The following TNR variants were observed in gnomAD, a reference collection of about 807,000 sequenced individuals.
TNR encodes the protein tenascin-R.
In TNR, 45 loss-of-function variants were observed where a neutral mutation model predicts 150.4. That is an observed-to-expected ratio of 0.30 (90% CI 0.24 to 0.38). The LOEUF is 0.38. Ranked by LOEUF, TNR falls within the 10% of genes least tolerant of loss-of-function variation. The pLI, the probability that TNR is intolerant of heterozygous loss-of-function variation, is 1.00. For synonymous variants in TNR, 687 were observed against 678.4 expected, an observed-to-expected ratio of 1.01 and a Z score of -0.20; for missense variants, 1,544 against 1,759.1, an observed-to-expected ratio of 0.88 and a Z score of 2.19.
At chr1:175,587,289 G>T (rs1252238799) in intron 1 of TNR, among the ~76,000 whole-genome samples, 1 of 152,190 alleles carries the variant, frequency 6.6e-6, no homozygotes, top group Non-Finnish European at 1.5e-5. Flanking sequence ...ATTAAGGAAT[G>T]CAGAGTGGCA....
At chr1:175,383,303 T>C (rs969250602) in intron 8 of TNR, among the ~76,000 whole-genome samples, 1 of 152,194 alleles carries the variant, frequency 6.6e-6, no homozygotes, top group African/African-American at 2.4e-5. Context: ...CAACCTATAA[T>C]AGCAATAAAG....
At chr1:175,499,529 T>A (rs1417982097) in intron 2 of TNR, among the ~76,000 whole-genome samples, 1 of 152,024 alleles carries the variant, frequency 6.6e-6, no homozygotes, top group African/African-American at 2.4e-5. Context: ...CTCCACACCC[T>A]CCCTTCTGGA....
At chr1:175,497,779 G>C (rs1658549465) in intron 2 of TNR, among the ~76,000 whole-genome samples, 1 of 152,128 alleles carries the variant, frequency 6.6e-6, no homozygotes, top group South Asian at 2.1e-4. Flanking sequence ...ACACCTCCTG[G>C]CTGGGCATGG....
In TNR at chr1:175,320,071, G is replaced by A. The variant is rs929303636; in HGVS notation, c.*3286C>T. 6.6e-6 allele frequency: 1 copy of A among 152,296 alleles called. No individual in the cohort carries two copies. Among genetic ancestry groups the A allele is most frequent in the South Asian group, 2.1e-4 (1 of 4,830 alleles). 9.4% of individuals were successfully genotyped at this position (152,296 alleles called of 1,614,324 possible). A position where few individuals can be genotyped will look rare whatever the true frequency, so the allele number is the denominator to read the frequency against. ...TATTGCAGTCATTGGTGGTGGTTTT[G>A]GTTTTGGGTATTAGTACATATCCTG... On this transcript the variant is annotated 3_prime_UTR_variant, in exon 23 of 23. Coordinates refer to ENST00000367674, the MANE Select transcript of TNR (RefSeq NM_003285.3).
intron 1 of TNR, 123 bp downstream of exon 1, chr1:175,743,103 C>T (rs10913071): frequency 6.6e-6 from 1 of 152,066 alleles, no homozygotes; most frequent in South Asian, 2.1e-4. Flanking sequence ...ATAGATGTAA[C>T]CCTAGTGCCA....
chr1:175,541,913 C>A (rs899777541), intron 1 of TNR, among the ~76,000 whole-genome samples: 20 of 152,168 alleles, frequency 1.3e-4, no homozygotes, highest in Admixed American at 1.2e-3. Flanking sequence ...CACATTTGTC[C>A]TACCGAGATG....
chr1:175,667,153 C>A (rs1402733717), intron 1 of TNR, among the ~76,000 whole-genome samples: 1 of 152,156 alleles, frequency 6.6e-6, no homozygotes, highest in African/African-American at 2.4e-5. Flanking sequence ...CCAGATCATA[C>A]ACAACCACCT....
chr1:175,571,962 C>T (rs537876778), intron 1 of TNR, among the ~76,000 whole-genome samples: 1 of 152,184 alleles, frequency 6.6e-6, no homozygotes, highest in South Asian at 2.1e-4. Flanking sequence ...AAGGAAGTAG[C>T]CACCAATAAA....
chr1:175,549,888 C>T (rs1211975371), intron 1 of TNR, among the ~76,000 whole-genome samples: 3 of 152,164 alleles, frequency 2.0e-5, no homozygotes, highest in Non-Finnish European at 4.4e-5. Context: ...AGTCTGAGAA[C>T]CTGAGCTAAG....
intron 2 of TNR, among the ~76,000 whole-genome samples, chr1:175,515,943 T>C (rs1360636717): frequency 6.6e-6 from 1 of 152,224 alleles, no homozygotes; most frequent in African/African-American, 2.4e-5. Flanking sequence ...GTGGCAAACC[T>C]GGAAGGTTCT....
chr1:175,421,404 T>G (rs1571416243), intron 2 of TNR, among the ~76,000 whole-genome samples: 2 of 152,188 alleles, frequency 1.3e-5, no homozygotes, highest in South Asian at 4.1e-4. Flanking sequence ...AGCATTCCCC[T>G]GCTCCCCTGC....
chr1:175,645,989 A>C (rs1184216568), intron 1 of TNR, among the ~76,000 whole-genome samples: 2 of 152,228 alleles, frequency 1.3e-5, no homozygotes, highest in Non-Finnish European at 2.9e-5. Flanking sequence ...TAAGGGCCAC[A>C]AGAAAGGATT....
At chr1:175,572,603 C>G (rs1661924321) in intron 1 of TNR, among the ~76,000 whole-genome samples, 1 of 151,440 alleles carries the variant, frequency 6.6e-6, no homozygotes, top group South Asian at 2.1e-4. Flanking sequence ...AGTTCAAGTA[C>G]AAAAGTACAG....
At position 175,403,159 on chromosome 1, in the gene TNR, C is replaced by T. The variant is rs765935057; in HGVS notation, c.957G>A (p.Gln319=). The T allele has an allele frequency of 8.1e-6, 13 of 1,612,808 alleles. No homozygotes were observed. In the African/African-American group the frequency reaches 1.3e-4, roughly 17 times the overall value. ...EGLCVCEEGY[Q]GPDCSAVAPP... The stretch of plus-strand genomic sequence containing the variant: ...GCCTACCTGCTGAGCAGTCAGGGCC[C>T]TGGTAGCCCTCTTCACAGACGCAGA... Residue 319 remains glutamine (Q), a synonymous_variant, in exon 4 of 23, where the codon CAG becomes CAA. Transcript: ENST00000367674.
At chr1:175,637,242 A>G (rs1030576172) in intron 1 of TNR, among the ~76,000 whole-genome samples, 14 of 152,238 alleles carry the variant, frequency 9.2e-5, no homozygotes, top group African/African-American at 3.4e-4. Flanking sequence ...ATAGCATGCT[A>G]GAATATGATA....
In TNR at chr1:175,599,774, C is replaced by G. The variant is rs1414757933; in HGVS notation, c.-164-71405G>C. On this transcript the variant is annotated intron_variant, in intron 1 of 22. Coordinates refer to ENST00000367674, the MANE Select transcript of TNR (RefSeq NM_003285.3). The surrounding 1 kb of genome is among the most constrained non-coding windows in gnomAD (Gnocchi z 4.7). ...GGGTTCCCTGCCACCAATATGCAGT[C>G]TCACAACCGTTTTCTGTCCCACTTG... Among the ~76,000 whole-genome samples the G allele has an allele frequency of 6.6e-6, 1 of 152,220 alleles. No homozygotes were observed. Among genetic ancestry groups the G allele is most frequent in the Non-Finnish European group, 1.5e-5 (1 of 68,034 alleles).
intron 2 of TNR, among the ~76,000 whole-genome samples, chr1:175,432,062 AG>A (rs1194477852): frequency 1.3e-5 from 2 of 151,922 alleles, no homozygotes; most frequent in Non-Finnish European, 2.9e-5. Context: ...GCCTGTGGGG[AG>A]GGGGCCAGGG....
chr1:175,517,039 GA>G (rs1659437887), intron 2 of TNR, among the ~76,000 whole-genome samples: 1 of 148,644 alleles, frequency 6.7e-6, no homozygotes, highest in African/African-American at 2.6e-5. Context: ...GAGAGAGAGA[GA>G]GAGAGAGAGA....
chr1:175,382,094 C>G (rs528510746), intron 8 of TNR, among the ~76,000 whole-genome samples: 1 of 152,172 alleles, frequency 6.6e-6, no homozygotes, highest in South Asian at 2.1e-4. Flanking sequence ...GCTTCTGTAC[C>G]GTTTATTTCG....
Sources: allele counts gnomAD v4.1 joint callset (sites outside exome capture counted in the v4.1 genomes callset), GRCh38; gene constraint gnomAD v4.1.1; non-coding constraint Gnocchi (gnomAD v3.1); transcripts MANE v1.5; gene names NCBI Gene and HGNC (gene_info 2026-07-23, HGNC 2026-07-21).